SLC2A1: variants seen among roughly 807,000 people sequenced by gnomAD.
SLC2A1 encodes the protein solute carrier family 2, facilitated glucose transporter member 1.
In SLC2A1, 4 loss-of-function variants were observed where a neutral mutation model predicts 46.6. That is an observed-to-expected ratio of 0.09 (90% CI 0.04 to 0.20). The LOEUF (loss-of-function observed/expected upper bound fraction) is 0.20, where lower values mean the gene tolerates loss of function less well. Among genes scored for constraint, SLC2A1 ranks in the 10% least tolerant of loss-of-function variants. The probability of loss-of-function intolerance (pLI) is 1.00; values close to 1 mark genes in which losing one functional copy is unlikely to be tolerated. For missense variants in SLC2A1, 352 were observed against 667.0 expected, an observed-to-expected ratio of 0.53 and a Z score of 5.20; for synonymous variants, 253 against 270.0, an observed-to-expected ratio of 0.94 and a Z score of 0.62.
In SLC2A1 at chr1:42,954,633, A is replaced by T. The variant is rs962030386; in HGVS notation, c.18+4001T>A. On this transcript the variant is annotated intron_variant, in intron 1 of 9. Coordinates refer to ENST00000426263, the MANE Select transcript of SLC2A1 (RefSeq NM_006516.4). This position sits in a 1 kb window ranked among gnomAD's most constrained non-coding sequence, Gnocchi z 4.2. ...CTGGACTCAATTTCCCCATTTGTCA[A>T]ATGGAGGGCTGGGCCATGGCTGGAA... is the stretch of plus-strand genomic sequence containing the variant. 2.6e-5 allele frequency among the ~76,000 whole-genome samples: 4 copies of T among 152,180 alleles called. No homozygotes were observed. In the South Asian group the frequency reaches 6.2e-4, roughly 24 times the overall value.
At chr1:42,933,913 G>A (rs1643516804) in intron 2 of SLC2A1, among the ~76,000 whole-genome samples, 1 of 152,160 alleles carries the variant, frequency 6.6e-6, no homozygotes, top group South Asian at 2.1e-4. Context: ...GTGCAGACTG[G>A]CTCCTGATGG....
At chr1:42,948,265 CTG>C (rs1643679380) in intron 1 of SLC2A1, among the ~76,000 whole-genome samples, 2 of 152,254 alleles carry the variant, frequency 1.3e-5, no homozygotes, top group South Asian at 4.1e-4. Flanking sequence ...TTGCCAAACA[CTG>C]TGGCCTTTTG....
chr1:42,957,157 T>C (rs1643784784), intron 1 of SLC2A1, among the ~76,000 whole-genome samples: 1 of 152,370 alleles, frequency 6.6e-6, no homozygotes, highest in South Asian at 2.1e-4. Flanking sequence ...AGAAGTTAAG[T>C]GGCCTGCAAG....
chr1:42,955,543 G>T (rs1227629341), intron 1 of SLC2A1, among the ~76,000 whole-genome samples: 1 of 152,216 alleles, frequency 6.6e-6, no homozygotes, highest in Non-Finnish European at 1.5e-5. Flanking sequence ...CTGGGAGGTA[G>T]AGGTTGCAGT....
At chr1:42,953,948 G>A (rs1429201860) in intron 1 of SLC2A1, among the ~76,000 whole-genome samples, 3 of 152,180 alleles carry the variant, frequency 2.0e-5, no homozygotes, top group African/African-American at 7.2e-5. Context: ...AGGGCACGGG[G>A]CCAGTCTCAC....
intron 1 of SLC2A1, among the ~76,000 whole-genome samples, chr1:42,957,918 A>G (rs1443352391): frequency 2.0e-5 from 3 of 151,868 alleles, no homozygotes; most frequent in Non-Finnish European, 1.5e-5. Flanking sequence ...CGCGGAACAC[A>G]TCTCCGCGAG....
chr1:42,943,566 C>T (rs1222721126), intron 1 of SLC2A1, among the ~76,000 whole-genome samples: 1 of 152,058 alleles, frequency 6.6e-6, no homozygotes, highest in Non-Finnish European at 1.5e-5. Context: ...TCTTCTCTCT[C>T]TGTAGCCAGG....
chr1:42,932,019 G>C (rs888335946), intron 2 of SLC2A1, among the ~76,000 whole-genome samples: 1 of 152,064 alleles, frequency 6.6e-6, no homozygotes, highest in East Asian at 1.9e-4. Flanking sequence ...CTCCCTGACC[G>C]CACTGAGGGC....
In SLC2A1 at chr1:42,929,796, G is replaced by A. The variant is rs752942175; in HGVS notation, c.680-16C>T. On this transcript the variant is annotated splice_polypyrimidine_tract_variant and intron_variant, in intron 5 of 9. Transcript: ENST00000426263. The surrounding 1 kb of genome is among the most constrained non-coding windows in gnomAD (Gnocchi z 6.0). Reference sequence around the variant, plus strand: ...TTCTTTAGCACTGGGGGGACCGGAGGGAAGGTGAGGGTGGCTCAGAGTGGG... The same window carrying A: ...TTCTTTAGCACTGGGGGGACCGGAGAGAAGGTGAGGGTGGCTCAGAGTGGG... 7 of 1,614,104 alleles carry A rather than the reference G, an allele frequency of 4.3e-6. No individual in the cohort carries two copies. Among genetic ancestry groups the A allele is most frequent in the Non-Finnish European group, 5.9e-6 (7 of 1,180,042 alleles).
intron 2 of SLC2A1, among the ~76,000 whole-genome samples, chr1:42,931,473 T>C (rs922806551): frequency 5.9e-5 from 9 of 152,110 alleles, no homozygotes; most frequent in Non-Finnish European, 1.3e-4. Flanking sequence ...TTTCACAGGC[T>C]CAGTGTGACT....
Position 42,956,407 on chromosome 1 carries a change from C to CAAAAAAAA in SLC2A1, c.18+2219_18+2226dup, listed in dbSNP as rs71577684. On this transcript the variant is annotated intron_variant, in intron 1 of 9. Transcript: ENST00000426263. ...AGAAACCCCGTCTCTACTAAAACTA[C>CAAAAAAAA]AAAAAAAAAAAAAAAAAAAAAAAAA... 2.4e-3 allele frequency among the ~76,000 whole-genome samples: 106 copies of CAAAAAAAA among 44,514 alleles called. 3 individuals carry two copies. Among genetic ancestry groups the CAAAAAAAA allele is most frequent in the African/African-American group, 0.011 (102 of 9,478 alleles). 29.2% of individuals were successfully genotyped at this position (44,514 alleles called of 152,430 possible).
chr1:42,926,499 T>G lies in SLC2A1; in HGVS notation c.*542A>C. 1 of 262,696 alleles carries G rather than the reference T, an allele frequency of 3.8e-6. No individual in the cohort carries two copies. The allele number at this position is 262,696 out of a possible 1,614,324, so 16.3% of individuals were successfully genotyped here. On this transcript the variant is annotated 3_prime_UTR_variant, in exon 10 of 10. Coordinates refer to ENST00000426263, the MANE Select transcript of SLC2A1 (RefSeq NM_006516.4). ...TCAGGTAAAGAAAGATTAATTTGAG[T>G]GGTTGGGTAGGAAGAGATGGGAAGG...
chr1:42,948,528 C>T (rs1332244353), intron 1 of SLC2A1, among the ~76,000 whole-genome samples: 2 of 152,170 alleles, frequency 1.3e-5, no homozygotes, highest in Non-Finnish European at 1.5e-5. Context: ...GCTTAGTCCA[C>T]GGCTCAAAGG....
intron 2 of SLC2A1, among the ~76,000 whole-genome samples, chr1:42,936,813 T>TG (rs1643546504): frequency 6.6e-6 from 1 of 152,136 alleles, no homozygotes; most frequent in African/African-American, 2.4e-5. Flanking sequence ...CTCACACCTT[T>TG]GCTTGGGCCT....
At chr1:42,938,872 C>A (rs1273419336) in intron 2 of SLC2A1, among the ~76,000 whole-genome samples, 1 of 152,200 alleles carries the variant, frequency 6.6e-6, no homozygotes, top group Non-Finnish European at 1.5e-5. Flanking sequence ...GCATTAGTTG[C>A]CCCGTTTGCT....
chr1:42,948,147 G>C (rs769469532), intron 1 of SLC2A1, among the ~76,000 whole-genome samples: 1 of 151,952 alleles, frequency 6.6e-6, no homozygotes, highest in African/African-American at 2.4e-5. Context: ...GGGGTCTCAC[G>C]ACCCACAAGA....
At position 42,927,628 on chromosome 1, in the gene SLC2A1, C is replaced by T. The variant is rs1320662318; in HGVS notation, c.1255G>A (p.Gly419Ser). The change falls in exon 9 of 10, where the codon GGC becomes AGC. Residue 419 changes from glycine (G) to serine (S), a missense_variant. Gly to Ser is a moderately conservative substitution (Grantham distance 56, BLOSUM62 0). Coordinates refer to ENST00000426263, the MANE Select transcript of SLC2A1 (RefSeq NM_006516.4). The surrounding 1 kb of genome is among the most constrained non-coding windows in gnomAD (Gnocchi z 5.3). ...FSNWTSNFIV[G>S]MCFQYVEQLC... ...ACCTCCACATACTGGAAGCACATGC[C>T]CACAATGAAATTTGAGGTCCAGTTG... 6.2e-7 allele frequency: 1 copy of T among 1,614,018 alleles called. No homozygotes were observed. Among genetic ancestry groups the T allele is most frequent in the Non-Finnish European group, 8.5e-7 (1 of 1,180,024 alleles).
Position 42,928,999 on chromosome 1 carries a change from A to G in SLC2A1, c.1007T>C (p.Leu336Pro). 1 of 1,613,774 alleles carries G rather than the reference A, an allele frequency of 6.2e-7. No homozygotes were observed. The highest frequency in any genetic ancestry group is 8.5e-7 in the Non-Finnish European group (1 of 1,180,026). The change falls in exon 8 of 10, where the codon CTG becomes CCG. Residue 336 changes from leucine to proline, a missense_variant. Physicochemically the swap from Leu to Pro is moderately conservative, Grantham distance 98. Transcript: ENST00000426263. ...FVVERAGRRT[L>P]HLIGLAGMAG... ...CATGCCAGCGAGGCCTATGAGGTGC[A>G]GGGTCCGCCGGCCTGCTCGCTCCAC...
chr1:42,957,211 T>G (rs1192482963), intron 1 of SLC2A1, among the ~76,000 whole-genome samples: 3 of 152,238 alleles, frequency 2.0e-5, no homozygotes, highest in Non-Finnish European at 4.4e-5. Flanking sequence ...CTAGAAGAGC[T>G]TCTCACTGAA....
Sources: gnomAD v4.1 joint callset for allele counts (sites outside exome capture counted in the v4.1 genomes callset) on GRCh38, gnomAD v4.1.1 for gene constraint, Gnocchi (gnomAD v3.1) non-coding constraint, MANE v1.5 for transcripts, NCBI Gene and HGNC (gene_info 2026-07-23, HGNC 2026-07-21) for gene names.